Variants in MYOM1 observed in about 807,000 individuals in gnomAD.
The protein encoded by MYOM1 is myomesin 1, also known as myomesin-1.
A neutral mutation model predicts 205.3 loss-of-function variants in MYOM1; 164 were observed. The observed-to-expected ratio is 0.80, with a 90% CI of 0.70 to 0.91. The LOEUF (loss-of-function observed/expected upper bound fraction) is 0.91, where lower values mean the gene tolerates loss of function less well. Ranked by LOEUF, MYOM1 falls within the 40% of genes least tolerant of loss-of-function variation. MYOM1 has a pLI of 0.00. For missense variants in MYOM1, 2,011 were observed against 2,127.3 expected, an observed-to-expected ratio of 0.95 and a Z score of 1.08; for synonymous variants, 772 against 789.4, an observed-to-expected ratio of 0.98 and a Z score of 0.37.
intron 2 of MYOM1, among the ~76,000 whole-genome samples, chr18:3,197,806 G>C (rs2081012056): frequency 6.6e-6 from 1 of 152,142 alleles, no homozygotes; most frequent in South Asian, 2.1e-4. Context: ...CTGGGAGGCA[G>C]AGCTTGCAGT....
intron 22 of MYOM1, among the ~76,000 whole-genome samples, chr18:3,108,494 T>C (rs1475351741): frequency 6.6e-6 from 1 of 152,062 alleles, no homozygotes; most frequent in Non-Finnish European, 1.5e-5. Context: ...ATTCTTTCTA[T>C]AGATGCCCTA....
In MYOM1 at chr18:3,116,367, C is replaced by T. The variant is rs777511986; in HGVS notation, c.3267G>A (p.Gly1089=). The T allele has an allele frequency of 6.2e-6, 10 of 1,612,520 alleles. No homozygotes were observed. The highest frequency in any genetic ancestry group is 2.2e-5 in the South Asian group (2 of 90,922). ...EAKAKEDQWR[G]LNEAAIKNVY... is the part of the protein sequence containing the mutation. ...CGTTTTTAATAGCCGCCTCATTGAGCCCTCGCCACTGGTCTTCTTTGGCCT... is the reference window on the plus strand; with the variant it reads ...CGTTTTTAATAGCCGCCTCATTGAGTCCTCGCCACTGGTCTTCTTTGGCCT... The change falls in exon 21 of 38, where the codon GGG becomes GGA. Residue 1089 remains glycine, a synonymous_variant. Coordinates refer to ENST00000356443, the MANE Select transcript of MYOM1 (RefSeq NM_003803.4).
rs1464833282 is a variant in MYOM1 at position 3,176,062 on chromosome 18, C to T, written c.1002G>A (p.Met334Ile). The T allele has an allele frequency of 1.2e-6, 2 of 1,600,056 alleles. No homozygotes were observed. The highest frequency in any genetic ancestry group is 3.3e-5 in the Admixed American group (2 of 59,984). Reference protein sequence around the residue: ...GKYIIESRYGMHTLEINGCDF... With the variant: ...GKYIIESRYGIHTLEINGCDF... ...CTTACCCATTAATCTCCAGAGTGTG[C>T]ATCCCATATCGACTCTCAATAATAT... is the stretch of plus-strand genomic sequence containing the variant. The change falls in exon 6 of 38, where the codon ATG (methionine) becomes ATA (isoleucine). Residue 334 changes from methionine (M) to isoleucine (I), a missense_variant. Physicochemically the swap from Met to Ile is conservative, Grantham distance 10 (BLOSUM62 1). Coordinates refer to ENST00000356443, the MANE Select transcript of MYOM1 (RefSeq NM_003803.4).
At chr18:3,114,160 G>A (rs193298090) in intron 21 of MYOM1, among the ~76,000 whole-genome samples, 56 of 152,182 alleles carry the variant, frequency 3.7e-4, no homozygotes, top group Non-Finnish European at 7.4e-4. Context: ...TAGAGTAATC[G>A]CCAGGTACCT....
Position 3,134,641 on chromosome 18 carries a change from C to T in MYOM1, c.2384+9G>A, listed in dbSNP as rs1001606680. On this transcript the variant is annotated intron_variant, in intron 16 of 37. Transcript: ENST00000356443. ...GCCATTGCCCGCCCTGCACACCCGA[C>T]TGAGTTACCGTGAGCCCTTCACGGG... is the stretch of plus-strand genomic sequence containing the variant. 6.2e-7 allele frequency: 1 copy of T among 1,604,088 alleles called. No individual in the cohort carries two copies. The highest frequency in any genetic ancestry group is 1.7e-5 in the Admixed American group (1 of 59,658).
chr18:3,193,870 C>T lies in MYOM1; in HGVS notation c.379G>A (p.Glu127Lys). Residue 127 changes from glutamate (E) to lysine (K), a missense_variant, in exon 3 of 38, where the codon GAA becomes AAA. Coordinates refer to ENST00000356443, the MANE Select transcript of MYOM1 (RefSeq NM_003803.4). ...KRAKHSLLSG[E>K]EKENLPSDYM... Reference sequence around the variant, plus strand: ...TCACTGGGCAAATTTTCTTTCTCTTCTCCAGACAGTAGGCTGTGCTTGGCT... The same window carrying T: ...TCACTGGGCAAATTTTCTTTCTCTTTTCCAGACAGTAGGCTGTGCTTGGCT... 3 of 1,613,930 alleles carry T rather than the reference C, an allele frequency of 1.9e-6. No homozygotes were observed. Among genetic ancestry groups the T allele is most frequent in the Non-Finnish European group, 2.5e-6 (3 of 1,179,828 alleles).
chr18:3,243,437 G>C, the MYOM1 span, among the ~76,000 whole-genome samples: 2 of 152,192 alleles, frequency 1.3e-5, no homozygotes, highest in South Asian at 4.1e-4. Context: ...ATTCTGCTAT[G>C]CTTCCTTGCT....
In MYOM1 at chr18:3,135,397, T is replaced by G. The variant is rs1021856245; in HGVS notation, c.2209+150A>C. The G allele has an allele frequency of 3.4e-6, 2 of 591,808 alleles. No homozygotes were observed. The highest frequency in any genetic ancestry group is 3.7e-5 in the African/African-American group (2 of 53,534). The allele number at this position is 591,808 out of a possible 1,614,324, so 36.7% of individuals were successfully genotyped here. A position where few individuals can be genotyped will look rare whatever the true frequency, so the allele number is the denominator to read the frequency against. ...TTTCATAAACAAAAATAATGAATTT[T>G]TGTTTAATGTATAGGTTAAGTACAG... On this transcript the variant is annotated intron_variant, in intron 15 of 37. Transcript: ENST00000356443. This position sits in a 1 kb window ranked among gnomAD's most constrained non-coding sequence, Gnocchi z 4.1.
At chr18:3,215,711 C>T (rs2081256958) in intron 1 of MYOM1, among the ~76,000 whole-genome samples, 1 of 152,048 alleles carries the variant, frequency 6.6e-6, no homozygotes. Context: ...CTTCATAGCC[C>T]AGATATGCCC....
At chr18:3,119,295 A>T (rs1193809863) in intron 20 of MYOM1, among the ~76,000 whole-genome samples, 3 of 152,120 alleles carry the variant, frequency 2.0e-5, no homozygotes, top group African/African-American at 7.2e-5. Flanking sequence ...AAGCGGAGAG[A>T]GGTCAGCCTT....
At chr18:3,110,720 C>A (rs1219310324) in intron 22 of MYOM1, among the ~76,000 whole-genome samples, 1 of 137,946 alleles carries the variant, frequency 7.2e-6, no homozygotes, top group Non-Finnish European at 1.5e-5. Context: ...AGGTACCCAG[C>A]CTAAGAGATT....
chr18:3,093,096 C>T (rs892654417), intron 26 of MYOM1, among the ~76,000 whole-genome samples: 2 of 152,098 alleles, frequency 1.3e-5, no homozygotes, highest in Non-Finnish European at 2.9e-5. Flanking sequence ...CTTGTTCTGG[C>T]CCCACAGCAA....
At chr18:3,068,470 C>T (rs2078923559) in intron 37 of MYOM1, among the ~76,000 whole-genome samples, 1 of 151,980 alleles carries the variant, frequency 6.6e-6, no homozygotes, top group Non-Finnish European at 1.5e-5. Context: ...ATTCAATTTA[C>T]AGAATATTTT....
intron 8 of MYOM1, among the ~76,000 whole-genome samples, chr18:3,171,987 T>C (rs12970919): frequency 0.4 from 60,407 of 152,034 alleles, 12,086 homozygotes; most frequent in Middle Eastern, 0.43. Flanking sequence ...TCTACCACTC[T>C]GTGTTCTTCT....
chr18:3,160,263 T>C (rs755165208), intron 10 of MYOM1, among the ~76,000 whole-genome samples: 7 of 151,860 alleles, frequency 4.6e-5, no homozygotes, highest in Non-Finnish European at 1.0e-4. Flanking sequence ...TCACCAGTCA[T>C]TGCAGCCTCG....
chr18:3,193,361 T>TACATATATATATATATACACACACAC (rs1598758731), intron 3 of MYOM1, among the ~76,000 whole-genome samples: 1 of 135,908 alleles, frequency 7.4e-6, no homozygotes, highest in Non-Finnish European at 1.5e-5. Context: ...TATATATATA[T>TACATATATATATATATACACACACAC]ACACACACAC....
chr18:3,139,732 C>G (rs899290627), intron 14 of MYOM1, among the ~76,000 whole-genome samples: 1 of 152,162 alleles, frequency 6.6e-6, no homozygotes, highest in Non-Finnish European at 1.5e-5. Flanking sequence ...GCAGGCCTCC[C>G]TACATAGTAC....
intron 5 of MYOM1, among the ~76,000 whole-genome samples, chr18:3,185,019 C>T (rs972261889): frequency 1.9e-4 from 29 of 152,332 alleles, no homozygotes; most frequent in African/African-American, 7.0e-4. Flanking sequence ...TGGAAATGGA[C>T]AGTATTTCTA....
At chr18:3,211,548 T>A (rs555648152) in intron 2 of MYOM1, among the ~76,000 whole-genome samples, 3 of 152,360 alleles carry the variant, frequency 2.0e-5, no homozygotes, top group African/African-American at 7.2e-5. Context: ...TAAGTAATAC[T>A]GCTCCTTTAA....
Sources: allele counts gnomAD v4.1 joint callset (sites outside exome capture counted in the v4.1 genomes callset), GRCh38; gene constraint gnomAD v4.1.1; non-coding constraint Gnocchi (gnomAD v3.1); transcripts MANE v1.5; gene names NCBI Gene and HGNC (gene_info 2026-07-23, HGNC 2026-07-21).